Variants in NIBAN2 observed in about 807,000 individuals in gnomAD.
NIBAN2 encodes the protein protein Niban 2.
NIBAN2 carries 36 observed loss-of-function variants against 81.8 expected under a neutral mutation model. The observed-to-expected ratio is 0.44, with a 90% CI of 0.34 to 0.58. The LOEUF is 0.58. Ranked by LOEUF, NIBAN2 falls within the 20% of genes least tolerant of loss-of-function variation. NIBAN2 has a pLI of 0.02. For synonymous variants in NIBAN2, 445 were observed against 441.6 expected (o/e 1.01, Z -0.10); for missense variants, 897 against 1,014.1 (o/e 0.88, Z 1.57).
chr9:127,571,342 T>C (rs569121293), upstream of NIBAN2, among the ~76,000 whole-genome samples: 2 of 152,060 alleles, frequency 1.3e-5, no homozygotes, highest in Non-Finnish European at 2.9e-5. Context: ...AGACCTTCTG[T>C]CACATGTCAC....
At chr9:127,539,522 G>A (rs921016789) in intron 1 of NIBAN2, among the ~76,000 whole-genome samples, 15 of 152,154 alleles carry the variant, frequency 9.9e-5, no homozygotes, top group African/African-American at 1.4e-4. Flanking sequence ...CTGTCGGGTC[G>A]GAGCTGGTGG....
intron 1 of NIBAN2, among the ~76,000 whole-genome samples, chr9:127,546,256 G>A (rs936967984): frequency 6.6e-6 from 1 of 152,314 alleles, no homozygotes; most frequent in Non-Finnish European, 1.5e-5. Context: ...ACAGGAGCCT[G>A]AGCCTTAGCC....
At chr9:127,513,952 T>C (rs1836779443) in intron 8 of NIBAN2, among the ~76,000 whole-genome samples, 1 of 152,182 alleles carries the variant, frequency 6.6e-6, no homozygotes, top group Non-Finnish European at 1.5e-5. Context: ...TCAATAATAA[T>C]TTAATTGTAC....
At position 127,523,561 on chromosome 9, in the gene NIBAN2, T is replaced by G. The variant is rs141730034; in HGVS notation, c.589+118A>C. 6.3e-3 allele frequency: 6,152 copies of G among 974,772 alleles called. 233 individuals carry two copies. The African/African-American group carries it at 0.083, about 13-fold the overall frequency. 60.4% of individuals were successfully genotyped at this position (974,772 alleles called of 1,614,324 possible). On this transcript the variant is annotated intron_variant, in intron 5 of 13. Transcript: ENST00000373312. The stretch of plus-strand genomic sequence containing the variant: ...TTTCTTATAACCCCAGAAGGGAAAT[T>G]AGAACAGCCTGTAGAGCAGGGTTGC...
chr9:127,571,678 G>GA (rs1837947398), upstream of NIBAN2, among the ~76,000 whole-genome samples: 1 of 150,212 alleles, frequency 6.7e-6, no homozygotes, highest in African/African-American at 2.5e-5. Context: ...CCTGGTGACA[G>GA]AGTGAGACTC....
rs1837634963 is a variant in NIBAN2, at chr9:127,554,599, C to T, written c.55+14221G>A. Among the ~76,000 whole-genome samples the T allele has an allele frequency of 2.4e-5, 3 of 124,492 alleles. No homozygotes were observed. The Admixed American group carries it at 3.1e-4, about 13-fold the overall frequency. 81.7% of individuals were successfully genotyped at this position (124,492 alleles called of 152,430 possible). A position where few individuals can be genotyped will look rare whatever the true frequency, so the allele number is the denominator to read the frequency against. ...TTTTTGAGACAGGGTCTTGCTCTGT[C>T]ACCCAGGCTGGAGTGCTATGGCACG... On this transcript the variant is annotated intron_variant, in intron 1 of 13. Transcript: ENST00000373312.
intron 1 of NIBAN2, among the ~76,000 whole-genome samples, chr9:127,551,114 T>A (rs764582349): frequency 5.9e-5 from 9 of 151,984 alleles, no homozygotes; most frequent in Non-Finnish European, 1.3e-4. Context: ...ACCGGCTAGG[T>A]GCGGTGGCTC....
At chr9:127,574,316 TCTGGAAGTGG>T (rs1837983287) in intron 1 of NIBAN2, among the ~76,000 whole-genome samples, 1 of 152,160 alleles carries the variant, frequency 6.6e-6, no homozygotes, top group Non-Finnish European at 1.5e-5. Flanking sequence ...CAGGCCTTTC[TCTGGAAGTGG>T]CTTCTGCCCA....
intron 1 of NIBAN2, among the ~76,000 whole-genome samples, chr9:127,550,407 G>A (rs1439518422): frequency 6.6e-6 from 1 of 152,224 alleles, no homozygotes. Context: ...GCTCACACAG[G>A]TCAGACCCCT....
At chr9:127,510,392 C>T in intron 8 of NIBAN2, 59 bp from the exon 9 acceptor site, 1 of 1,364,912 alleles carries the variant, frequency 7.3e-7, no homozygotes, top group Non-Finnish European at 1.0e-6. Context: ...CCCAGCCATC[C>T]CAGAGCCCAG....
intron 4 of NIBAN2, 74 bp downstream of exon 4, chr9:127,524,984 C>T: frequency 8.5e-7 from 1 of 1,175,370 alleles, no homozygotes. Flanking sequence ...GCAATGGGCT[C>T]AGGGCCACCC....
At position 127,525,145 on chromosome 9, in the gene NIBAN2, G is replaced by A; in HGVS notation, c.334C>T (p.Pro112Ser). Residue 112 changes from proline to serine, a missense_variant, in exon 4 of 14, where the codon CCA (proline) becomes TCA (serine). Transcript: ENST00000373312. ...ENKAAYERQVPPRAVINSAGY... is the reference protein window; with the variant it reads ...ENKAAYERQVSPRAVINSAGY... ...GCACTGTTGATGACGGCTCGTGGTG[G>A]GACCTGCCGCTCATAGGCCTGAGGG... 1 of 1,614,050 alleles carries A rather than the reference G, an allele frequency of 6.2e-7. No homozygotes were observed. The highest frequency in any genetic ancestry group is 1.1e-5 in the South Asian group (1 of 91,082).
Position 127,538,944 on chromosome 9 carries a change from C to CA in NIBAN2, c.56-7167dup, listed in dbSNP as rs59404269. ...TGGGAGACACAGTGAGACTCCATCT[C>CA]AAAAAAAAAAAAAAAAAGAAAGAAA... is the stretch of plus-strand genomic sequence containing the variant. On this transcript the variant is annotated intron_variant, in intron 1 of 13. Transcript: ENST00000373312. 5.3e-4 allele frequency among the ~76,000 whole-genome samples: 61 copies of CA among 114,482 alleles called. 1 individual carries two copies. Among genetic ancestry groups the CA allele is most frequent in the East Asian group, 1.6e-3 (6 of 3,756 alleles). The allele number at this position is 114,482 out of a possible 152,430, so 75.1% of individuals were successfully genotyped here. A position where few individuals can be genotyped will look rare whatever the true frequency, so the allele number is the denominator to read the frequency against.
At position 127,569,033 on chromosome 9, in the gene NIBAN2, T is replaced by C. The variant is rs1837910422; in HGVS notation, c.-159A>G. The C allele has an allele frequency of 2.7e-6, 3 of 1,091,478 alleles. No homozygotes were observed. Among genetic ancestry groups the C allele is most frequent in the Admixed American group, 5.5e-5 (1 of 18,046 alleles). The allele number at this position is 1,091,478 out of a possible 1,614,324, so 67.6% of individuals were successfully genotyped here. ...GCCCGGCTGCGGCTTCCGCTCCGGC[T>C]CCGCTCCCGGTCGGGCCCCGTCCCT... is the stretch of plus-strand genomic sequence containing the variant. On this transcript the variant is annotated 5_prime_UTR_variant, in exon 1 of 14. Coordinates refer to ENST00000373312, the MANE Select transcript of NIBAN2 (RefSeq NM_022833.4).
intron 1 of NIBAN2, among the ~76,000 whole-genome samples, chr9:127,565,106 G>A (rs760452254): frequency 8.5e-5 from 13 of 152,066 alleles, no homozygotes; most frequent in Non-Finnish European, 1.6e-4. Context: ...AACCACAGGC[G>A]CATACGACAA....
intron 3 of NIBAN2, among the ~76,000 whole-genome samples, chr9:127,526,765 G>A (rs901054698): frequency 3.3e-5 from 5 of 152,234 alleles, no homozygotes; most frequent in African/African-American, 1.2e-4. Flanking sequence ...TGTAGGGCAG[G>A]GGCAAGCCAC....
chr9:127,529,706 CATT>C (rs35703834), intron 2 of NIBAN2, among the ~76,000 whole-genome samples: 17,714 of 152,150 alleles, frequency 0.12, 1,448 homozygotes, highest in Admixed American at 0.27. Context: ...ATTACGTTAT[CATT>C]ATTATCACTA....
chr9:127,508,595 G>T lies in NIBAN2; in HGVS notation c.1318-57C>A. The T allele has an allele frequency of 1.4e-6, 2 of 1,448,612 alleles. No individual in the cohort carries two copies. The highest frequency in any genetic ancestry group is 9.7e-7 in the Non-Finnish European group (1 of 1,034,088). The allele number at this position is 1,448,612 out of a possible 1,614,324, so 89.7% of individuals were successfully genotyped here. On this transcript the variant is annotated intron_variant, in intron 10 of 13. Coordinates refer to ENST00000373312, the MANE Select transcript of NIBAN2 (RefSeq NM_022833.4). The surrounding 1 kb of genome is among the most constrained non-coding windows in gnomAD (Gnocchi z 6.4). ...CCAGGGTGACCACAGCCCCTTCCTG[G>T]GTGCCGCTGAGGGGTCCTCATCCTC...
At chr9:127,518,791 G>A (rs1459153454) in intron 5 of NIBAN2, among the ~76,000 whole-genome samples, 1 of 152,212 alleles carries the variant, frequency 6.6e-6, no homozygotes, top group Non-Finnish European at 1.5e-5. Flanking sequence ...AATAACTGAG[G>A]AGCCAGCTGC....
Sources: gnomAD v4.1 joint callset for allele counts (sites outside exome capture counted in the v4.1 genomes callset) on GRCh38, gnomAD v4.1.1 for gene constraint, Gnocchi (gnomAD v3.1) non-coding constraint, MANE v1.5 for transcripts, NCBI Gene and HGNC (gene_info 2026-07-23, HGNC 2026-07-21) for gene names.